The following CACNA1C variants were observed in gnomAD, a reference collection of about 807,000 sequenced individuals.
The protein encoded by CACNA1C is calcium voltage-gated channel subunit alpha1 C, also known as voltage-dependent L-type calcium channel subunit alpha-1C.
A neutral mutation model predicts 229.0 loss-of-function variants in CACNA1C; 30 were observed. That is an observed-to-expected ratio of 0.13 (90% confidence interval 0.10 to 0.18). The LOEUF (loss-of-function observed/expected upper bound fraction) is 0.18. Among genes scored for constraint, CACNA1C ranks in the 10% least tolerant of loss-of-function variants. The probability of loss-of-function intolerance (pLI) is 1.00; values close to 1 mark genes in which losing one functional copy is unlikely to be tolerated. For synonymous variants in CACNA1C, 1,114 were observed against 1,132.5 expected, an observed-to-expected ratio of 0.98 and a Z score of 0.33; for missense variants, 1,658 against 2,845.0, an observed-to-expected ratio of 0.58 and a Z score of 9.49.
At chr12:2,333,150 C>T (rs2096597392) in intron 3 of CACNA1C, among the ~76,000 whole-genome samples, 1 of 152,170 alleles carries the variant, frequency 6.6e-6, no homozygotes, top group Non-Finnish European at 1.5e-5. Context: ...GTGTGGCACA[C>T]CTACAGGTCT....
intron 1 of CACNA1C, among the ~76,000 whole-genome samples, chr12:2,100,582 C>CG (rs773969228): frequency 0.023 from 1,560 of 66,466 alleles, 34 homozygotes; most frequent in African/African-American, 0.077. Context: ...CTGTTTCTAC[C>CG]AAAAAAAAAA....
rs1271739744 is a variant in CACNA1C, at chr12:2,606,947, G to C, written c.3210-37G>C. Reference sequence around the variant, plus strand: ...GCAGGCCAGGCGTGAAGGAAGATGGGAGATCCCAGAGTAAACTCCTTCTCC... The same window carrying C: ...GCAGGCCAGGCGTGAAGGAAGATGGCAGATCCCAGAGTAAACTCCTTCTCC... On this transcript the variant is annotated intron_variant, in intron 25 of 46. Transcript: ENST00000399655. 4 of 1,607,028 alleles carry C rather than the reference G, an allele frequency of 2.5e-6. No homozygotes were observed. The African/African-American group carries it at 4.0e-5, about 16-fold the overall frequency.
chr12:2,268,955 C>T (rs1285887014), intron 3 of CACNA1C, among the ~76,000 whole-genome samples: 1 of 152,136 alleles, frequency 6.6e-6, no homozygotes, highest in Admixed American at 6.5e-5. Flanking sequence ...GTCTTACCTC[C>T]TTGGCTTTGT....
intron 3 of CACNA1C, among the ~76,000 whole-genome samples, chr12:2,338,765 G>A (rs779704660): frequency 5.9e-5 from 9 of 152,072 alleles, no homozygotes; most frequent in Admixed American, 2.6e-4. Context: ...GGTGCCCTTG[G>A]GGGTGGAATA....
chr12:2,078,582 A>G (rs978554152), intron 1 of CACNA1C, among the ~76,000 whole-genome samples: 1 of 152,224 alleles, frequency 6.6e-6, no homozygotes, highest in African/African-American at 2.4e-5. Context: ...CGAGGGGTGC[A>G]GAGGGGGTTG....
In CACNA1C at chr12:2,605,062, GC is replaced by G; in HGVS notation, c.2961-17del. The G allele has an allele frequency of 1.3e-6, 2 of 1,594,450 alleles. No individual in the cohort carries two copies. Among genetic ancestry groups the G allele is most frequent in the Non-Finnish European group, 1.7e-6 (2 of 1,162,100 alleles). On this transcript the variant is annotated intron_variant, in intron 22 of 46. Transcript: ENST00000399655. This position sits in a 1 kb window ranked among gnomAD's most constrained non-coding sequence, Gnocchi z 6.2. ...AGAAACAGGAGGAGCTTACTACCCTGCCTGTTTCCCTCTCCCAGGTCCAGTG... is the reference window on the plus strand; with the variant it reads ...AGAAACAGGAGGAGCTTACTACCCTGCTGTTTCCCTCTCCCAGGTCCAGTG...
chr12:2,018,743 T>A (rs1303158009), intron 1 of CACNA1C, among the ~76,000 whole-genome samples: 1 of 152,212 alleles, frequency 6.6e-6, no homozygotes, highest in African/African-American at 2.4e-5. Context: ...GACAGGTAGC[T>A]TGACTTAATA....
At chr12:2,211,870 C>T (rs368417782) in intron 3 of CACNA1C, among the ~76,000 whole-genome samples, 57 of 152,058 alleles carry the variant, frequency 3.7e-4, no homozygotes, top group African/African-American at 1.4e-3. Flanking sequence ...AGGCGCCCAC[C>T]ACCACTCCCG....
At chr12:2,533,695 A>T (rs1374948600) in intron 9 of CACNA1C, among the ~76,000 whole-genome samples, 2 of 152,276 alleles carry the variant, frequency 1.3e-5, no homozygotes, top group South Asian at 4.1e-4. Context: ...GGGCTAGGGC[A>T]GCCTCGCTCT....
At chr12:2,333,596 C>G in intron 3 of CACNA1C, among the ~76,000 whole-genome samples, 1 of 152,192 alleles carries the variant, frequency 6.6e-6, no homozygotes. Flanking sequence ...GTGGATGCAG[C>G]CTTGTTAGGG....
chr12:2,497,441 G>C (rs116162826), intron 7 of CACNA1C, among the ~76,000 whole-genome samples: 11 of 152,306 alleles, frequency 7.2e-5, no homozygotes, highest in African/African-American at 2.6e-4. Flanking sequence ...GCAGCAGCTA[G>C]ACTAGGCATC....
chr12:2,107,513 T>C (rs1408958966), intron 1 of CACNA1C, among the ~76,000 whole-genome samples: 2 of 150,576 alleles, frequency 1.3e-5, no homozygotes, highest in Non-Finnish European at 3.0e-5. Context: ...AGCCACTGGG[T>C]GCTCACCCTG....
intron 1 of CACNA1C, among the ~76,000 whole-genome samples, chr12:2,114,078 C>T (rs11831158): frequency 0.022 from 3,289 of 152,340 alleles, 111 homozygotes; most frequent in African/African-American, 0.074. Context: ...CAACAGCAGA[C>T]ACCCTGTTAC....
chr12:2,688,904 G>T, intron 46 of CACNA1C, 125 bp downstream of exon 46: 1 of 797,852 alleles, frequency 1.3e-6, no homozygotes, highest in Non-Finnish European at 1.9e-6. Context: ...GAGCCCGAAA[G>T]ACCCTCCCTC....
intron 1 of CACNA1C, among the ~76,000 whole-genome samples, chr12:1,978,129 A>T (rs1354068314): frequency 1.3e-5 from 2 of 152,198 alleles, no homozygotes; most frequent in Non-Finnish European, 2.9e-5. Flanking sequence ...GCAAAGAGAA[A>T]TCTTGCTTCT....
intron 1 of CACNA1C, among the ~76,000 whole-genome samples, chr12:2,007,174 G>T (rs2043613039): frequency 6.6e-6 from 1 of 152,212 alleles, no homozygotes; most frequent in Non-Finnish European, 1.5e-5. Flanking sequence ...TTTTCAGCAT[G>T]AACCCACAGA....
At chr12:2,027,554 G>A (rs1478068752) in intron 1 of CACNA1C, among the ~76,000 whole-genome samples, 1 of 152,190 alleles carries the variant, frequency 6.6e-6, no homozygotes. Context: ...CATAACAATT[G>A]TATAACCTCT....
chr12:2,676,915 T>G (rs2096848814), intron 39 of CACNA1C, 179 bp from the exon 40 acceptor site: 2 of 540,200 alleles, frequency 3.7e-6, no homozygotes, highest in East Asian at 3.2e-5. Context: ...TGGGAGAGAC[T>G]TTTGACCATA....
intron 38 of CACNA1C, among the ~76,000 whole-genome samples, chr12:2,670,887 G>A (rs1386106624): frequency 1.4e-5 from 2 of 146,394 alleles, no homozygotes; most frequent in African/African-American, 5.1e-5. Flanking sequence ...AATAGGACAA[G>A]TTCTGCTACT....
Sources: gnomAD v4.1 joint callset for allele counts (sites outside exome capture counted in the v4.1 genomes callset) on GRCh38, gnomAD v4.1.1 for gene constraint, Gnocchi (gnomAD v3.1) non-coding constraint, MANE v1.5 for transcripts, NCBI Gene and HGNC (gene_info 2026-07-23, HGNC 2026-07-21) for gene names.